The following TNC variants were observed in gnomAD, a reference collection of about 807,000 sequenced individuals.
TNC encodes tenascin C, also known as tenascin.
Under a neutral mutation model 202.4 loss-of-function variants are expected in TNC, and 109 were observed. The observed-to-expected ratio is 0.54, with a 90% CI of 0.46 to 0.63. TNC has a LOEUF of 0.63. Among genes scored for constraint, TNC ranks in the 30% least tolerant of loss-of-function variants. The pLI is 0.00. For synonymous variants in TNC, 1,007 were observed against 1,089.7 expected, an observed-to-expected ratio of 0.92 and a Z score of 1.50; for missense variants, 2,756 against 2,833.3, an observed-to-expected ratio of 0.97 and a Z score of 0.62.
rs764464070 is a variant in TNC at position 115,026,647 on chromosome 9, C to T, written c.6218G>A (p.Arg2073Gln). The change falls in exon 26 of 28, where the codon CGG (arginine) becomes CAG (glutamine). Residue 2073 changes from arginine to glutamine, a missense_variant. Transcript: ENST00000350763. ...CTCCCCATGGTCCCGCAGGTCCACC[C>T]GGAGCTCGTACTGCCCCTGGGCTGT... ...KITAQGQYEL[R>Q]VDLRDHGETA... The T allele has an allele frequency of 5.6e-6, 9 of 1,613,800 alleles. No homozygotes were observed. The highest frequency in any genetic ancestry group is 2.2e-5 in the East Asian group (1 of 44,844).
chr9:115,082,076 T>G, intron 5 of TNC, 148 bp from the exon 6 acceptor site: 1 of 702,286 alleles, frequency 1.4e-6, no homozygotes, highest in Non-Finnish European at 2.2e-6. Context: ...GTATGTAAGC[T>G]ACTGAGGATA....
chr9:115,030,319 T>A lies in TNC; in HGVS notation c.6007A>T (p.Asn2003Tyr). The change falls in exon 24 of 28, where the codon AAT becomes TAT. Residue 2003 changes from asparagine to tyrosine, a missense_variant. By Grantham distance (143) the Asn-to-Tyr change is moderately radical. Transcript: ENST00000350763. ...TTSGLYTIYL[N>Y]GDKAEALEVF... ...TCCAGCGCCTCAGCCTTATCACCAT[T>A]CAGATAAATGGTGTAGAGGCCAGAG... 6.2e-7 allele frequency: 1 copy of A among 1,613,868 alleles called. No individual in the cohort carries two copies. Among genetic ancestry groups the A allele is most frequent in the Non-Finnish European group, 8.5e-7 (1 of 1,179,788 alleles).
chr9:115,030,513 C>G (rs1052559910), intron 23 of TNC, 108 bp from the exon 24 acceptor site: 5 of 1,259,148 alleles, frequency 4.0e-6, no homozygotes, highest in Non-Finnish European at 4.3e-6. Context: ...TTTCCAGGTG[C>G]AATAATGTGA....
chr9:115,050,803 C>T (rs1238013933), intron 15 of TNC, among the ~76,000 whole-genome samples: 1 of 152,126 alleles, frequency 6.6e-6, no homozygotes, highest in Non-Finnish European at 1.5e-5. Flanking sequence ...CCCAGAAGTG[C>T]CTGTGGTATC....
intron 10 of TNC, among the ~76,000 whole-genome samples, chr9:115,071,972 G>A (rs763158346): frequency 1.3e-5 from 2 of 152,180 alleles, no homozygotes; most frequent in Non-Finnish European, 2.9e-5. Flanking sequence ...TGGGTGGGAA[G>A]CAGTCAATGC....
Position 115,036,833 on chromosome 9 carries a change from T to C in TNC, c.5513-592A>G, listed in dbSNP as rs12554631. On this transcript the variant is annotated intron_variant, in intron 20 of 27. Coordinates refer to ENST00000350763, the MANE Select transcript of TNC (RefSeq NM_002160.4). ...TTTCCTATTCACAGGTGACCAACCA[T>C]CCTGGTTTGCCAGGGACTGCGGGAT... 2.3e-3 allele frequency among the ~76,000 whole-genome samples: 344 copies of C among 152,298 alleles called. 1 individual carries two copies. Among genetic ancestry groups the C allele is most frequent in the Non-Finnish European group, 3.9e-3 (267 of 68,022 alleles).
At chr9:115,111,752 T>G (rs1005075212) in intron 1 of TNC, among the ~76,000 whole-genome samples, 36 of 152,182 alleles carry the variant, frequency 2.4e-4, no homozygotes, top group Non-Finnish European at 4.6e-4. Flanking sequence ...AATGGCCTTG[T>G]TGGAGAAGCC....
In TNC at chr9:115,090,969, G is replaced by A. The variant is rs769619354; in HGVS notation, c.50C>T (p.Ala17Val). Reference sequence around the variant, plus strand: ...GAGGACCCCACCTTCGGTAGCGAGGGCAAGGAAAGCAAGAAAGACACCTGC... The same window carrying A: ...GAGGACCCCACCTTCGGTAGCGAGGACAAGGAAAGCAAGAAAGACACCTGC... ...LLAGVFLAFL[A>V]LATEGGVLKK... Residue 17 changes from alanine to valine, a missense_variant, in exon 2 of 28, where the codon GCC becomes GTC. Around this residue, in one of 2 missense-constraint regions of TNC, gnomAD observed 2,559 missense variants for 2,546.0 expected, o/e 1.01. Coordinates refer to ENST00000350763, the MANE Select transcript of TNC (RefSeq NM_002160.4). 2 of 1,613,762 alleles carry A rather than the reference G, an allele frequency of 1.2e-6. No individual in the cohort carries two copies. Among genetic ancestry groups the A allele is most frequent in the Admixed American group, 3.3e-5 (2 of 60,026 alleles).
intron 2 of TNC, among the ~76,000 whole-genome samples, chr9:115,090,056 C>G (rs1835100898): frequency 1.3e-5 from 2 of 152,162 alleles, no homozygotes; most frequent in Admixed American, 6.5e-5. Context: ...CTATCACAGG[C>G]AGCACTGTGC....
intron 22 of TNC, among the ~76,000 whole-genome samples, chr9:115,032,971 T>A (rs547086450): frequency 6.6e-6 from 1 of 152,328 alleles, no homozygotes; most frequent in Non-Finnish European, 1.5e-5. Flanking sequence ...AGCACAACGA[T>A]CTTCTCTACA....
chr9:115,080,076 C>T (rs566153832), intron 6 of TNC, among the ~76,000 whole-genome samples: 97 of 152,288 alleles, frequency 6.4e-4, no homozygotes, highest in Non-Finnish European at 9.4e-4. Context: ...GCCTGGCCAA[C>T]ATGGTGAAAT....
At chr9:115,023,466 G>A (rs1829241526) in intron 27 of TNC, among the ~76,000 whole-genome samples, 1 of 152,198 alleles carries the variant, frequency 6.6e-6, no homozygotes, top group South Asian at 2.1e-4. Flanking sequence ...GAAAATGCCA[G>A]GGGCTGGAAG....
intron 1 of TNC, among the ~76,000 whole-genome samples, chr9:115,102,522 A>C (rs1836312348): frequency 6.6e-6 from 1 of 152,234 alleles, no homozygotes; most frequent in African/African-American, 2.4e-5. Flanking sequence ...TGCTGCTTAA[A>C]GAAATCTACT....
chr9:115,101,698 T>C (rs1199306461), intron 1 of TNC, among the ~76,000 whole-genome samples: 5 of 152,116 alleles, frequency 3.3e-5, no homozygotes, highest in Admixed American at 6.5e-5. Flanking sequence ...CTTTGGAAAA[T>C]AGGCCAAGTA....
Position 115,064,694 on chromosome 9 carries a change from A to T in TNC, c.3440T>A (p.Val1147Glu). ...ATPYTVSIYG[V>E]IQGYRTPVLS... ...CACTGGTGTTCTATAGCCCTGGATC[A>T]CCCCATAGATGGAGACTGTATAAGG... Residue 1147 changes from valine (V) to glutamate (E), a missense_variant, in exon 11 of 28, where the codon GTG (valine) becomes GAG (glutamate). Around this residue, in one of 2 missense-constraint regions of TNC, gnomAD observed 2,559 missense variants for 2,546.0 expected, o/e 1.01. Coordinates refer to ENST00000350763, the MANE Select transcript of TNC (RefSeq NM_002160.4). 6.2e-7 allele frequency: 1 copy of T among 1,614,072 alleles called. No individual in the cohort carries two copies.
At chr9:115,052,764 G>C (rs576103481) in intron 15 of TNC, 137 of 702,580 alleles carry the variant, frequency 1.9e-4, no homozygotes, top group Admixed American at 1.8e-4. Flanking sequence ...GCAGTGAGGG[G>C]TCTGGTGGGA....
At position 115,031,697 on chromosome 9, in the gene TNC, AG is replaced by A; in HGVS notation, c.5788-13del. 6.2e-7 allele frequency: 1 copy of A among 1,605,068 alleles called. No homozygotes were observed. The highest frequency in any genetic ancestry group is 8.5e-7 in the Non-Finnish European group (1 of 1,177,056). Reference sequence around the variant, plus strand: ...CCCACAATGACTTCCTAAGAGCAGAAGAAAAAGTATAATGGCTTTTGGTCAC... The same window carrying A: ...CCCACAATGACTTCCTAAGAGCAGAAAAAAAGTATAATGGCTTTTGGTCAC... On this transcript the variant is annotated splice_polypyrimidine_tract_variant and intron_variant, in intron 22 of 27. Coordinates refer to ENST00000350763, the MANE Select transcript of TNC (RefSeq NM_002160.4).
chr9:115,076,045 G>A lies in TNC; in HGVS notation c.2937C>T (p.Ile979=). 1 of 1,614,090 alleles carries A rather than the reference G, an allele frequency of 6.2e-7. No homozygotes were observed. The highest frequency in any genetic ancestry group is 8.5e-7 in the Non-Finnish European group (1 of 1,180,006). ...KEDKESNPAT[I]NAATELDTPK... The stretch of plus-strand genomic sequence containing the variant: ...GGTGTGCCCCACCTGTGGCTGCGTT[G>A]ATGGTCGCTGGATTGCTCTCCTTGT... Residue 979 remains isoleucine (I), a synonymous_variant, in exon 9 of 28, where the codon ATC becomes ATT. Transcript: ENST00000350763.
chr9:115,095,815 T>C (rs993507982), intron 1 of TNC, among the ~76,000 whole-genome samples: 2 of 149,836 alleles, frequency 1.3e-5, no homozygotes, highest in African/African-American at 4.9e-5. Context: ...TGAAAGATAA[T>C]ATATTATTAC....
Sources: allele counts gnomAD v4.1 joint callset (sites outside exome capture counted in the v4.1 genomes callset), GRCh38; gene constraint gnomAD v4.1.1; regional missense constraint gnomAD v4.1.1; transcripts MANE v1.5; gene names NCBI Gene and HGNC (gene_info 2026-07-23, HGNC 2026-07-21).